Variants in NSUN6 observed in about 807,000 individuals in gnomAD.
NSUN6 encodes NOP2/Sun RNA methyltransferase 6, also known as tRNA (cytosine(72)-C(5))-methyltransferase NSUN6.
Under a neutral mutation model 58.0 loss-of-function variants are expected in NSUN6, and 64 were observed. The observed-to-expected ratio is 1.10, with a 90% CI of 0.90 to 1.36. The LOEUF (loss-of-function observed/expected upper bound fraction) is 1.36. NSUN6 is among the 40% of genes most tolerant of loss of function. The pLI is 0.00. For missense variants in NSUN6, 701 were observed against 550.1 expected, an observed-to-expected ratio of 1.27 and a Z score of -2.74; for synonymous variants, 231 against 193.9, an observed-to-expected ratio of 1.19 and a Z score of -1.59.
intron 3 of NSUN6, among the ~76,000 whole-genome samples, chr10:18,628,895 T>C (rs890337441): frequency 2.6e-5 from 4 of 152,072 alleles, no homozygotes; most frequent in African/African-American, 9.6e-5. Flanking sequence ...ATTCAGGAAA[T>C]ACAGAGAACG....
intron 9 of NSUN6, among the ~76,000 whole-genome samples, chr10:18,549,315 C>A (rs1308201566): frequency 6.6e-6 from 1 of 152,168 alleles, no homozygotes; most frequent in Non-Finnish European, 1.5e-5. Context: ...TTCTGGAACA[C>A]ACAAGACACA....
In NSUN6 at chr10:18,614,601, C is replaced by A; in HGVS notation, c.434G>T (p.Gly145Val). The A allele has an allele frequency of 7.1e-7, 1 of 1,414,202 alleles. No homozygotes were observed. The highest frequency in any genetic ancestry group is 1.4e-5 in the South Asian group (1 of 70,654). The allele number at this position is 1,414,202 out of a possible 1,614,324, so 87.6% of individuals were successfully genotyped here. A position where few individuals can be genotyped will look rare whatever the true frequency, so the allele number is the denominator to read the frequency against. The change falls in exon 5 of 11, where the codon GGA (glycine) becomes GTA (valine). Residue 145 changes from glycine (G) to valine (V), a missense_variant. Coordinates refer to ENST00000377304, the MANE Select transcript of NSUN6 (RefSeq NM_182543.5). ...ATCAGAGTATACAGAAATAACATCT[C>A]CAGCTTTCATAACTAGAGAAAGAAG... Reference protein sequence around the residue: ...IVSASQFMKAGDVISVYSDIK... With the variant: ...IVSASQFMKAVDVISVYSDIK...
chr10:18,629,397 C>T (rs1238951516), intron 3 of NSUN6, among the ~76,000 whole-genome samples: 1 of 151,786 alleles, frequency 6.6e-6, no homozygotes, highest in Admixed American at 6.6e-5. Context: ...CAAATTCACA[C>T]ATAACAATAT....
intron 8 of NSUN6, among the ~76,000 whole-genome samples, chr10:18,560,398 T>C (rs941483251): frequency 1.9e-4 from 28 of 145,358 alleles, no homozygotes; most frequent in African/African-American, 6.9e-4. Context: ...TGCAATGAAA[T>C]AGAGAATGAA....
At chr10:18,632,853 C>T (rs1035756173) in intron 3 of NSUN6, among the ~76,000 whole-genome samples, 4 of 152,186 alleles carry the variant, frequency 2.6e-5, no homozygotes, top group African/African-American at 9.7e-5. Flanking sequence ...TGCAGTGATT[C>T]CTCAGGGATC....
chr10:18,572,561 T>C (rs562565342), intron 8 of NSUN6, among the ~76,000 whole-genome samples: 1 of 150,294 alleles, frequency 6.7e-6, no homozygotes, highest in South Asian at 2.1e-4. Flanking sequence ...CATTCCATTC[T>C]CCATTCCTTT....
intron 3 of NSUN6, among the ~76,000 whole-genome samples, chr10:18,625,907 A>G (rs1164912895): frequency 2.0e-5 from 3 of 152,104 alleles, no homozygotes; most frequent in African/African-American, 7.2e-5. Context: ...AATAACATTT[A>G]ATGCCACAGG....
intron 8 of NSUN6, among the ~76,000 whole-genome samples, chr10:18,580,669 A>C (rs898021743): frequency 6.6e-6 from 1 of 152,196 alleles, no homozygotes; most frequent in Admixed American, 6.5e-5. Context: ...CTGCCACCCC[A>C]GCCCAGCATC....
intron 3 of NSUN6, among the ~76,000 whole-genome samples, chr10:18,635,980 G>C (rs1433855801): frequency 1.3e-5 from 2 of 151,178 alleles, no homozygotes; most frequent in African/African-American, 4.9e-5. Flanking sequence ...ACAAGGTACT[G>C]TTACAAGGAG....
chr10:18,631,895 A>G (rs1303674375), intron 3 of NSUN6, among the ~76,000 whole-genome samples: 1 of 152,214 alleles, frequency 6.6e-6, no homozygotes, highest in African/African-American at 2.4e-5. Context: ...ACAGAAGTGG[A>G]AAAAACTACT....
intron 8 of NSUN6, among the ~76,000 whole-genome samples, chr10:18,579,750 G>A (rs1220115447): frequency 6.6e-6 from 1 of 152,158 alleles, no homozygotes; most frequent in African/African-American, 2.4e-5. Context: ...GTTAGGAGTA[G>A]CTAAGAGACA....
chr10:18,548,334 G>A, intron 9 of NSUN6, 97 bp from the exon 10 acceptor site: 2 of 1,082,408 alleles, frequency 1.8e-6, no homozygotes, highest in Non-Finnish European at 2.6e-6. Flanking sequence ...CAAATGTTTG[G>A]GATAAATAAA....
intron 8 of NSUN6, among the ~76,000 whole-genome samples, chr10:18,585,509 A>G (rs1165148677): frequency 6.6e-6 from 1 of 152,246 alleles, no homozygotes; most frequent in African/African-American, 2.4e-5. Context: ...AACAAAATAG[A>G]TGAACCTGGA....
intron 7 of NSUN6, among the ~76,000 whole-genome samples, chr10:18,593,748 C>T (rs956036281): frequency 6.6e-6 from 1 of 151,932 alleles, no homozygotes; most frequent in Admixed American, 6.6e-5. Flanking sequence ...AGGAAAAATA[C>T]CTAATGCATG....
intron 6 of NSUN6, among the ~76,000 whole-genome samples, chr10:18,597,495 A>T (rs976415258): frequency 1.6e-4 from 25 of 152,298 alleles, no homozygotes; most frequent in African/African-American, 5.3e-4. Flanking sequence ...GATGGCCAGG[A>T]GTGCTGGTTC....
chr10:18,578,231 ATTTTT>A (rs71402184), intron 8 of NSUN6, among the ~76,000 whole-genome samples: 16,452 of 121,128 alleles, frequency 0.14, 1,182 homozygotes, highest in East Asian at 0.4. Context: ...CTCTAAGCCT[ATTTTT>A]TTTTTTTTTT....
At chr10:18,631,349 A>T (rs1393227886) in intron 3 of NSUN6, among the ~76,000 whole-genome samples, 4 of 145,356 alleles carry the variant, frequency 2.8e-5, no homozygotes, top group Non-Finnish European at 1.5e-5. Flanking sequence ...GGCACAAGAC[A>T]GGGATGCCCT....
intron 10 of NSUN6, among the ~76,000 whole-genome samples, chr10:18,546,714 C>T (rs1446346846): frequency 1.3e-5 from 2 of 151,856 alleles, no homozygotes; most frequent in South Asian, 2.1e-4. Context: ...CCTGTCTCTA[C>T]CAAAAATACA....
At chr10:18,630,226 A>G (rs1381333810) in intron 3 of NSUN6, among the ~76,000 whole-genome samples, 2 of 149,572 alleles carry the variant, frequency 1.3e-5, no homozygotes, top group Non-Finnish European at 3.0e-5. Flanking sequence ...GACACAACAT[A>G]CCAGAATCTC....
Sources: allele counts gnomAD v4.1 joint callset (sites outside exome capture counted in the v4.1 genomes callset), GRCh38; gene constraint gnomAD v4.1.1; transcripts MANE v1.5; gene names NCBI Gene and HGNC (gene_info 2026-07-23, HGNC 2026-07-21).